Variants in ZMAT4 observed in about 807,000 individuals in gnomAD.
ZMAT4 encodes zinc finger matrin-type protein 4.
In ZMAT4, 17 loss-of-function variants were observed where a neutral mutation model predicts 28.7. The observed-to-expected ratio is 0.59, with a 90% CI of 0.41 to 0.89. The LOEUF (loss-of-function observed/expected upper bound fraction) is 0.89. Ranked by LOEUF, ZMAT4 falls within the 40% of genes least tolerant of loss-of-function variation. The pLI is 0.00. For synonymous variants in ZMAT4, 117 were observed against 109.2 expected, an observed-to-expected ratio of 1.07 and a Z score of -0.44; for missense variants, 240 against 283.8, an observed-to-expected ratio of 0.85 and a Z score of 1.11.
chr8:40,575,313 A>C (rs1023470542), intron 6 of ZMAT4, among the ~76,000 whole-genome samples: 6 of 152,004 alleles, frequency 3.9e-5, no homozygotes, highest in Non-Finnish European at 5.9e-5. Context: ...TTGTGGACCC[A>C]CCCCAAGAAG....
intron 2 of ZMAT4, among the ~76,000 whole-genome samples, chr8:40,798,120 G>A (rs1013583864): frequency 1.3e-5 from 2 of 152,150 alleles, no homozygotes; most frequent in Non-Finnish European, 2.9e-5. Context: ...TCTACTTCAG[G>A]CTAAGCGGTC....
At chr8:40,578,051 C>A (rs182089635) in intron 6 of ZMAT4, among the ~76,000 whole-genome samples, 1 of 151,648 alleles carries the variant, frequency 6.6e-6, no homozygotes, top group Non-Finnish European at 1.5e-5. Flanking sequence ...TATAGGGAAA[C>A]GCAAAGAGGA....
chr8:40,533,378 A>G (rs1802753607), intron 6 of ZMAT4, among the ~76,000 whole-genome samples: 1 of 152,300 alleles, frequency 6.6e-6, no homozygotes, highest in East Asian at 1.9e-4. Flanking sequence ...TCCAGCTGAA[A>G]GGAAGCTGCT....
intron 5 of ZMAT4, among the ~76,000 whole-genome samples, chr8:40,664,103 C>T (rs1172642043): frequency 6.6e-6 from 1 of 152,174 alleles, no homozygotes; most frequent in Non-Finnish European, 1.5e-5. Flanking sequence ...CTATCAGCAA[C>T]ACCTTGTTTT....
chr8:40,767,655 G>T lies in ZMAT4; in HGVS notation c.178C>A (p.Leu60Ile). The change falls in exon 3 of 7, where the codon CTC becomes ATC. Residue 60 changes from leucine (L) to isoleucine (I), a missense_variant. Leu to Ile is a conservative substitution (Grantham distance 5). Coordinates refer to ENST00000297737, the MANE Select transcript of ZMAT4 (RefSeq NM_024645.3). ...PRDGGCPAKR[L>I]RSENGSDADM... is the part of the protein sequence containing the mutation. Reference sequence around the variant, plus strand: ...CAGATACTCACATTTTCTGACCGGAGCCTCTTGGCAGGACACCCTCCATCC... The same window carrying T: ...CAGATACTCACATTTTCTGACCGGATCCTCTTGGCAGGACACCCTCCATCC... The T allele has an allele frequency of 6.2e-7, 1 of 1,612,796 alleles. No homozygotes were observed. The highest frequency in any genetic ancestry group is 8.5e-7 in the Non-Finnish European group (1 of 1,179,550).
At chr8:40,565,749 C>A (rs1803901008) in intron 6 of ZMAT4, among the ~76,000 whole-genome samples, 1 of 149,682 alleles carries the variant, frequency 6.7e-6, no homozygotes, top group South Asian at 2.1e-4. Context: ...AACTCAGGTT[C>A]CAGGCTACCT....
chr8:40,568,628 C>T (rs551748158), intron 6 of ZMAT4, among the ~76,000 whole-genome samples: 1 of 152,198 alleles, frequency 6.6e-6, no homozygotes, highest in South Asian at 2.1e-4. Context: ...ATTGTTGTTG[C>T]TTTTGTTCTT....
intron 1 of ZMAT4, among the ~76,000 whole-genome samples, chr8:40,838,485 A>G (rs901176965): frequency 6.6e-6 from 1 of 152,124 alleles, no homozygotes; most frequent in Non-Finnish European, 1.5e-5. Context: ...TGGGACTACA[A>G]GTGTGTGCCA....
intron 3 of ZMAT4, among the ~76,000 whole-genome samples, chr8:40,719,024 G>A (rs1015412951): frequency 6.6e-6 from 1 of 152,184 alleles, no homozygotes; most frequent in Non-Finnish European, 1.5e-5. Flanking sequence ...TCAAAATACT[G>A]CTCACTCAGA....
At chr8:40,750,784 C>T (rs957346361) in intron 3 of ZMAT4, among the ~76,000 whole-genome samples, 2 of 152,226 alleles carry the variant, frequency 1.3e-5, no homozygotes, top group African/African-American at 4.8e-5. Flanking sequence ...CTGGAGATTC[C>T]TGGCCACCCC....
At chr8:40,891,223 G>GAGAGA (rs1818663754) in intron 1 of ZMAT4, among the ~76,000 whole-genome samples, 1 of 48,490 alleles carries the variant, frequency 2.1e-5, no homozygotes, top group Non-Finnish European at 4.2e-5. Context: ...GAGAGGAGAG[G>GAGAGA]AGAAGACTTG....
chr8:40,565,377 CTTTTTT>C (rs66960843), intron 6 of ZMAT4, among the ~76,000 whole-genome samples: 1 of 78,596 alleles, frequency 1.3e-5, no homozygotes, highest in Non-Finnish European at 2.5e-5. Flanking sequence ...GTGCCACCAT[CTTTTTT>C]TTTTTTTTTT....
At chr8:40,583,688 A>G (rs1195620129) in intron 5 of ZMAT4, among the ~76,000 whole-genome samples, 1 of 152,172 alleles carries the variant, frequency 6.6e-6, no homozygotes, top group Non-Finnish European at 1.5e-5. Flanking sequence ...TGGTCAGGGT[A>G]CAGCTTGCTC....
At chr8:40,641,143 G>A (rs534792836) in intron 5 of ZMAT4, among the ~76,000 whole-genome samples, 3 of 152,196 alleles carry the variant, frequency 2.0e-5, no homozygotes, top group East Asian at 1.9e-4. Context: ...GTAAATATGT[G>A]TCAAATATGT....
intron 6 of ZMAT4, among the ~76,000 whole-genome samples, chr8:40,560,268 C>A (rs1045174392): frequency 7.9e-5 from 12 of 151,510 alleles, no homozygotes; most frequent in African/African-American, 2.9e-4. Flanking sequence ...TTGTCCTGAA[C>A]AAATTATGTA....
chr8:40,542,008 A>C (rs1803049555), intron 6 of ZMAT4, among the ~76,000 whole-genome samples: 1 of 152,194 alleles, frequency 6.6e-6, no homozygotes, highest in Non-Finnish European at 1.5e-5. Context: ...TGAAGGATGG[A>C]GAGGCAGAGC....
intron 1 of ZMAT4, among the ~76,000 whole-genome samples, chr8:40,873,160 C>T (rs1276031216): frequency 1.3e-5 from 2 of 152,184 alleles, no homozygotes; most frequent in Non-Finnish European, 2.9e-5. Flanking sequence ...ATCTGAGAAG[C>T]CCCCTGTGTC....
At chr8:40,693,416 A>G (rs1330681734) in intron 4 of ZMAT4, among the ~76,000 whole-genome samples, 1 of 152,148 alleles carries the variant, frequency 6.6e-6, no homozygotes, top group Non-Finnish European at 1.5e-5. Flanking sequence ...TCTCAGTCAC[A>G]TCCTTTTCAT....
chr8:40,741,016 ACACACG>A (rs1811980755), intron 3 of ZMAT4, among the ~76,000 whole-genome samples: 1 of 148,986 alleles, frequency 6.7e-6, no homozygotes, highest in South Asian at 2.1e-4. Context: ...ACACACACAC[ACACACG>A]CACACACAGC....
Sources: gnomAD v4.1 joint callset for allele counts (sites outside exome capture counted in the v4.1 genomes callset) on GRCh38, gnomAD v4.1.1 for gene constraint, MANE v1.5 for transcripts, NCBI Gene and HGNC (gene_info 2026-07-23, HGNC 2026-07-21) for gene names.